DGKB: variants seen among roughly 807,000 people sequenced by gnomAD.
DGKB encodes the protein diacylglycerol kinase beta, also known as 90 kDa diacylglycerol kinase.
A neutral mutation model predicts 114.3 loss-of-function variants in DGKB; 67 were observed. The observed-to-expected ratio is 0.59, with a 90% CI of 0.48 to 0.72. The LOEUF (loss-of-function observed/expected upper bound fraction) is 0.72. Ranked by LOEUF, DGKB falls within the 30% of genes least tolerant of loss-of-function variation. The pLI, the probability that DGKB is intolerant of heterozygous loss-of-function variation, is 0.00. For missense variants in DGKB, 907 were observed against 975.2 expected, an observed-to-expected ratio of 0.93 and a Z score of 0.93; for synonymous variants, 398 against 323.1, an observed-to-expected ratio of 1.23 and a Z score of -2.49.
At chr7:14,690,516 G>A (rs373339634) in intron 9 of DGKB, among the ~76,000 whole-genome samples, 1 of 152,228 alleles carries the variant, frequency 6.6e-6, no homozygotes, top group Non-Finnish European at 1.5e-5. Flanking sequence ...AGAAATGAGT[G>A]ATAGAACAGA....
chr7:14,720,928 A>G (rs1398502510), intron 5 of DGKB, among the ~76,000 whole-genome samples: 1 of 152,078 alleles, frequency 6.6e-6, no homozygotes, highest in African/African-American at 2.4e-5. Flanking sequence ...AGCAGTTCCA[A>G]CTTATGATAA....
At chr7:14,217,688 G>T (rs78960324) in intron 23 of DGKB, among the ~76,000 whole-genome samples, 9 of 151,686 alleles carry the variant, frequency 5.9e-5, no homozygotes, top group African/African-American at 2.2e-4. Context: ...AAAATCATAC[G>T]TCCACATATA....
Position 14,646,909 on chromosome 7 carries a change from C to T in DGKB, c.1135-16641G>A, listed in dbSNP as rs192785493. On this transcript the variant is annotated intron_variant, in intron 13 of 25. Transcript: ENST00000402815. The stretch of plus-strand genomic sequence containing the variant: ...AAATAAACAACCTAACAATACACCT[C>T]AAGAAACTAGAAAAGCAAGAACAAA... Among the ~76,000 whole-genome samples, 38 of 151,618 alleles carry T rather than the reference C, an allele frequency of 2.5e-4. No individual in the cohort carries two copies. In the East Asian group the frequency reaches 6.8e-3, roughly 27 times the overall value.
chr7:14,329,509 T>C (rs755999419), intron 23 of DGKB, among the ~76,000 whole-genome samples: 2 of 152,080 alleles, frequency 1.3e-5, no homozygotes, highest in Middle Eastern at 6.8e-3. Flanking sequence ...GAAAATGGTT[T>C]TTAATATCAA....
chr7:14,920,230 C>T (rs986569954), intron 1 of DGKB, among the ~76,000 whole-genome samples: 2 of 152,114 alleles, frequency 1.3e-5, no homozygotes, highest in African/African-American at 4.8e-5. Context: ...GCTACAGCCT[C>T]AAAGACAGTA....
chr7:14,210,546 T>A (rs942640356), intron 23 of DGKB, among the ~76,000 whole-genome samples: 3 of 152,128 alleles, frequency 2.0e-5, no homozygotes, highest in African/African-American at 7.2e-5. Flanking sequence ...AGCTTTAATG[T>A]GACTTGGCTC....
At chr7:14,364,367 C>T (rs1440485728) in intron 21 of DGKB, among the ~76,000 whole-genome samples, 1 of 144,722 alleles carries the variant, frequency 6.9e-6, no homozygotes, top group Non-Finnish European at 1.5e-5. Flanking sequence ...CTGGCTTAAA[C>T]AATAACTCCT....
At chr7:14,265,318 C>CTTTTTTTTTTTATTTTTTTTTTTT (rs1797333770) in intron 23 of DGKB, among the ~76,000 whole-genome samples, 1 of 67,752 alleles carries the variant, frequency 1.5e-5, no homozygotes, top group Non-Finnish European at 2.5e-5. Flanking sequence ...CTCTTGCATT[C>CTTTTTTTTTTTATTTTTTTTTTTT]TTTTTTTTTT....
intron 1 of DGKB, among the ~76,000 whole-genome samples, chr7:14,914,431 C>A (rs1784139418): frequency 6.6e-6 from 1 of 151,998 alleles, no homozygotes; most frequent in Non-Finnish European, 1.5e-5. Context: ...CTTTGGGAAA[C>A]CCAATAACAA....
chr7:14,329,467 C>G (rs1042013820), intron 23 of DGKB, among the ~76,000 whole-genome samples: 3 of 151,920 alleles, frequency 2.0e-5, no homozygotes, highest in African/African-American at 7.2e-5. Flanking sequence ...TGTAGTTTTT[C>G]TCAGTTATTA....
At chr7:14,543,348 G>A (rs993639620) in intron 20 of DGKB, among the ~76,000 whole-genome samples, 5 of 152,148 alleles carry the variant, frequency 3.3e-5, no homozygotes, top group South Asian at 4.2e-4. Flanking sequence ...GGAGGCTAAG[G>A]TGGGAGGATC....
chr7:14,325,011 A>G (rs1365218798), intron 23 of DGKB, among the ~76,000 whole-genome samples: 2 of 152,198 alleles, frequency 1.3e-5, no homozygotes, highest in Non-Finnish European at 2.9e-5. Context: ...TCTGTTTGAA[A>G]AGAGTTTTGC....
intron 21 of DGKB, among the ~76,000 whole-genome samples, chr7:14,409,213 T>C (rs150500341): frequency 2.5e-3 from 383 of 152,220 alleles, no homozygotes; most frequent in African/African-American, 8.7e-3. Context: ...CTCCACGTGA[T>C]GCTAATCATC....
chr7:14,219,898 T>C (rs1789642667), intron 23 of DGKB, among the ~76,000 whole-genome samples: 1 of 151,758 alleles, frequency 6.6e-6, no homozygotes, highest in African/African-American at 2.4e-5. Context: ...GTTTTATAGT[T>C]TTAGATCTTA....
chr7:14,739,091 G>A (rs1022415416), intron 4 of DGKB, among the ~76,000 whole-genome samples: 1 of 152,134 alleles, frequency 6.6e-6, no homozygotes, highest in African/African-American at 2.4e-5. Flanking sequence ...CATTAAAATC[G>A]CTGCCTGTAA....
At chr7:14,339,824 G>T (rs775553466) in intron 22 of DGKB, among the ~76,000 whole-genome samples, 2 of 151,808 alleles carry the variant, frequency 1.3e-5, no homozygotes, top group Admixed American at 1.3e-4. Context: ...TTACAGTGGC[G>T]TTGTTTCATT....
At chr7:14,677,646 C>T (rs1203068032) in intron 12 of DGKB, among the ~76,000 whole-genome samples, 1 of 151,892 alleles carries the variant, frequency 6.6e-6, no homozygotes. Context: ...CCTTGACAAG[C>T]AATGATTCAC....
At chr7:14,593,639 TA>T (rs1452420768) in intron 17 of DGKB, among the ~76,000 whole-genome samples, 3 of 151,912 alleles carry the variant, frequency 2.0e-5, no homozygotes, top group African/African-American at 7.2e-5. Context: ...CCTTGAAGGA[TA>T]TTTTTAAAGT....
At chr7:14,361,002 C>A (rs565945317) in intron 21 of DGKB, among the ~76,000 whole-genome samples, 15 of 152,102 alleles carry the variant, frequency 9.9e-5, no homozygotes, top group Middle Eastern at 3.4e-3. Flanking sequence ...AAAAAAATTA[C>A]ACCTCTCTAG....
Sources: allele counts gnomAD v4.1 joint callset (sites outside exome capture counted in the v4.1 genomes callset), GRCh38; gene constraint gnomAD v4.1.1; transcripts MANE v1.5; gene names NCBI Gene and HGNC (gene_info 2026-07-23, HGNC 2026-07-21).